VCL: variants seen among roughly 807,000 people sequenced by gnomAD.
VCL encodes vinculin.
In VCL, 47 loss-of-function variants were observed where a neutral mutation model predicts 125.7. The ratio of observed to expected loss-of-function variants is 0.37; its 90% CI spans 0.30 to 0.48. VCL has a LOEUF of 0.48. Among genes scored for constraint, VCL ranks in the 20% least tolerant of loss-of-function variants. The probability of loss-of-function intolerance (pLI) is 0.99; values close to 1 mark genes in which losing one functional copy is unlikely to be tolerated. For synonymous variants in VCL, 458 were observed against 514.6 expected (o/e 0.89, Z 1.49); for missense variants, 1,069 against 1,455.5 (o/e 0.73, Z 4.32).
At position 74,116,702 on chromosome 10, in the gene VCL, T is replaced by A. The variant is rs944764761; in HGVS notation, c.3259-1321T>A. Among the ~76,000 whole-genome samples, 578 of 144,388 alleles carry A rather than the reference T, an allele frequency of 4.0e-3. 6 individuals are homozygous for A. Among genetic ancestry groups the A allele is most frequent in the African/African-American group, 0.015 (541 of 36,808 alleles). 94.7% of individuals were successfully genotyped at this position (144,388 alleles called of 152,430 possible). ...ACTCCGTCTCAAAAAAAAAAAATAATAATAAAATAAAATAAAATAAACAAC... is the reference window on the plus strand; with the variant it reads ...ACTCCGTCTCAAAAAAAAAAAATAAAAATAAAATAAAATAAAATAAACAAC... On this transcript the variant is annotated intron_variant, in intron 21 of 21. Coordinates refer to ENST00000211998, the MANE Select transcript of VCL (RefSeq NM_014000.3).
chr10:74,089,415 T>C (rs898968011), intron 9 of VCL, 66 bp downstream of exon 9: 1 of 1,599,294 alleles, frequency 6.3e-7, no homozygotes, highest in African/African-American at 1.3e-5. Flanking sequence ...ATAAATATCC[T>C]ATCTTTCTTC....
At chr10:74,087,339 C>CT (rs553757805) in intron 8 of VCL, among the ~76,000 whole-genome samples, 19,123 of 119,952 alleles carry the variant, frequency 0.16, 1,399 homozygotes, top group East Asian at 0.19. Context: ...TTAGGTTTTT[C>CT]TTTTTTTTTT....
At chr10:74,054,175 A>G (rs1841355919) in intron 2 of VCL, among the ~76,000 whole-genome samples, 1 of 152,098 alleles carries the variant, frequency 6.6e-6, no homozygotes, top group Non-Finnish European at 1.5e-5. Flanking sequence ...TACTAGTCCA[A>G]TTTTTTATAG....
chr10:74,027,632 C>T (rs981095571), intron 1 of VCL: 11 of 108,218 alleles, frequency 1.0e-4, no homozygotes, highest in Non-Finnish European at 1.8e-4. Context: ...GGTGACAGAG[C>T]GAGACTGTCT....
intron 1 of VCL, among the ~76,000 whole-genome samples, chr10:74,020,883 A>G: frequency 6.6e-6 from 1 of 150,930 alleles, no homozygotes; most frequent in Non-Finnish European, 1.5e-5. Flanking sequence ...ATAAAACAGT[A>G]GGGTAATCTG....
intron 1 of VCL, among the ~76,000 whole-genome samples, chr10:74,040,760 A>G (rs1409029094): frequency 6.6e-6 from 1 of 152,214 alleles, no homozygotes; most frequent in Admixed American, 6.5e-5. Flanking sequence ...TTTTCTAGCT[A>G]TTAACTTGAA....
At chr10:74,087,054 T>G (rs1406777247) in intron 8 of VCL, among the ~76,000 whole-genome samples, 1 of 152,098 alleles carries the variant, frequency 6.6e-6, no homozygotes, top group African/African-American at 2.4e-5. Context: ...TCAGAGAAGT[T>G]ATTATTTTGT....
intron 1 of VCL, among the ~76,000 whole-genome samples, chr10:74,014,341 C>G (rs1252039538): frequency 6.6e-6 from 1 of 151,794 alleles, no homozygotes. Context: ...AGGTGATTCT[C>G]CCACATCAGC....
At chr10:74,019,918 C>T (rs986135006) in intron 1 of VCL, among the ~76,000 whole-genome samples, 3 of 151,846 alleles carry the variant, frequency 2.0e-5, no homozygotes, top group Non-Finnish European at 4.4e-5. Flanking sequence ...CAAAAATTAG[C>T]CGGGCGTGGT....
chr10:74,045,168 A>G (rs559258292), intron 2 of VCL, among the ~76,000 whole-genome samples: 25 of 152,084 alleles, frequency 1.6e-4, no homozygotes, highest in African/African-American at 6.0e-4. Flanking sequence ...GAAACCCTGT[A>G]TCTAAAAATA....
chr10:74,114,253 G>C lies in VCL; in HGVS notation c.3019G>C (p.Gly1007Arg), dbSNP rs1554819630. ...LMAEMSRLVR[G>R]GSGTKRALIQ... Reference sequence around the variant, plus strand: ...GGCTGAGATGTCTCGGCTGGTAAGAGGGGGCAGTGGTACCAAGCGGGCACT... The same window carrying C: ...GGCTGAGATGTCTCGGCTGGTAAGACGGGGCAGTGGTACCAAGCGGGCACT... Residue 1007 changes from glycine (G) to arginine (R), a missense_variant, in exon 20 of 22, where the codon GGG becomes CGG. By Grantham distance (125) the Gly-to-Arg change is moderately radical. Coordinates refer to ENST00000211998, the MANE Select transcript of VCL (RefSeq NM_014000.3). 1 of 1,614,026 alleles carries C rather than the reference G, an allele frequency of 6.2e-7. No individual in the cohort carries two copies. Among genetic ancestry groups the C allele is most frequent in the African/African-American group, 1.3e-5 (1 of 74,912 alleles).
At chr10:74,066,715 A>G (rs1841576744) in intron 2 of VCL, among the ~76,000 whole-genome samples, 1 of 149,032 alleles carries the variant, frequency 6.7e-6, no homozygotes, top group Non-Finnish European at 1.5e-5. Context: ...TCTATTGCCT[A>G]GGCTGGAGTG....
At chr10:74,106,095 T>C (rs1162993871) in intron 16 of VCL, among the ~76,000 whole-genome samples, 1 of 150,978 alleles carries the variant, frequency 6.6e-6, no homozygotes, top group Non-Finnish European at 1.5e-5. Flanking sequence ...TAATTTTTTG[T>C]AGTTTTAGTA....
At chr10:74,034,647 G>A (rs1216929053) in intron 1 of VCL, among the ~76,000 whole-genome samples, 2 of 152,194 alleles carry the variant, frequency 1.3e-5, no homozygotes, top group African/African-American at 2.4e-5. Context: ...TCCCACATGG[G>A]AAGTACTCAT....
At chr10:74,011,904 A>G (rs543414594) in intron 1 of VCL, among the ~76,000 whole-genome samples, 4 of 152,218 alleles carry the variant, frequency 2.6e-5, no homozygotes, top group African/African-American at 9.6e-5. Context: ...GTTAAGCTGC[A>G]GAAAATAGAG....
At chr10:74,107,531 AGTGCTTATATGCAT>A (rs1840154882) in intron 17 of VCL, among the ~76,000 whole-genome samples, 177 bp downstream of exon 17, 1 of 151,940 alleles carries the variant, frequency 6.6e-6, no homozygotes, top group South Asian at 2.1e-4. Flanking sequence ...GTTATAACCT[AGTGCTTATATGCAT>A]GGGTTGTGTG....
chr10:74,075,406 A>C (rs531695490), intron 6 of VCL: 2 of 156,408 alleles, frequency 1.3e-5, no homozygotes, highest in South Asian at 3.8e-4. Flanking sequence ...GTTTAATTAA[A>C]ATATTAGTCT....
intron 1 of VCL, among the ~76,000 whole-genome samples, chr10:74,024,818 T>C (rs1840742351): frequency 6.6e-6 from 1 of 152,190 alleles, no homozygotes; most frequent in Non-Finnish European, 1.5e-5. Context: ...ATCTTGGCTG[T>C]GGAAACCTTC....
intron 1 of VCL, among the ~76,000 whole-genome samples, chr10:74,042,107 G>A (rs1841104301): frequency 6.6e-6 from 1 of 151,948 alleles, no homozygotes; most frequent in Non-Finnish European, 1.5e-5. Context: ...TTATACATGT[G>A]GATTTTTTTT....
Sources: allele counts gnomAD v4.1 joint callset (sites outside exome capture counted in the v4.1 genomes callset), GRCh38; gene constraint gnomAD v4.1.1; transcripts MANE v1.5; gene names NCBI Gene and HGNC (gene_info 2026-07-23, HGNC 2026-07-21).